LRP1B: variants seen among roughly 807,000 people sequenced by gnomAD.
LRP1B encodes LDL receptor related protein 1B, also known as low-density lipoprotein receptor-related protein 1B.
A neutral mutation model predicts 556.6 loss-of-function variants in LRP1B; 217 were observed. The observed-to-expected ratio is 0.39, with a 90% CI of 0.35 to 0.44. LRP1B has a LOEUF of 0.44. Ranked by LOEUF, LRP1B falls within the 20% of genes least tolerant of loss-of-function variation. LRP1B has a pLI of 1.00. For synonymous variants in LRP1B, 2,047 were observed against 1,865.8 expected (o/e 1.10, Z -2.50); for missense variants, 5,053 against 5,620.8 (o/e 0.90, Z 3.23).
At chr2:140,694,491 A>ATGC (rs1362136752) in intron 41 of LRP1B, among the ~76,000 whole-genome samples, 1 of 151,978 alleles carries the variant, frequency 6.6e-6, no homozygotes, top group East Asian at 1.9e-4. Context: ...GCATCTTAAG[A>ATGC]TTTTCCCTTT....
chr2:140,904,115 G>C (rs1457949879), intron 22 of LRP1B, among the ~76,000 whole-genome samples: 1 of 151,914 alleles, frequency 6.6e-6, no homozygotes, highest in African/African-American at 2.4e-5. Flanking sequence ...ACCTAACATT[G>C]AGTAACAAGT....
chr2:141,221,425 G>A (rs573097606), intron 6 of LRP1B, among the ~76,000 whole-genome samples: 6 of 152,090 alleles, frequency 3.9e-5, no homozygotes, highest in African/African-American at 1.2e-4. Flanking sequence ...TCTTAGAGAC[G>A]TACATAGTCT....
intron 2 of LRP1B, among the ~76,000 whole-genome samples, chr2:141,772,250 T>C (rs1243986165): frequency 6.6e-6 from 1 of 152,174 alleles, no homozygotes; most frequent in African/African-American, 2.4e-5. Flanking sequence ...ATATTTCTTT[T>C]GTTTAAGCCA....
chr2:141,323,540 G>A (rs1322534422), intron 3 of LRP1B, among the ~76,000 whole-genome samples: 1 of 151,572 alleles, frequency 6.6e-6, no homozygotes, highest in Non-Finnish European at 1.5e-5. Flanking sequence ...TCTGTATTCT[G>A]ACCTAATGGC....
At chr2:140,402,195 G>A (rs1037543830) in intron 66 of LRP1B, among the ~76,000 whole-genome samples, 4 of 152,204 alleles carry the variant, frequency 2.6e-5, no homozygotes, top group African/African-American at 9.6e-5. Context: ...GGAACACCCC[G>A]TGGGACAAAT....
At chr2:141,677,773 G>A (rs551774190) in intron 2 of LRP1B, among the ~76,000 whole-genome samples, 1 of 152,192 alleles carries the variant, frequency 6.6e-6, no homozygotes, top group Non-Finnish European at 1.5e-5. Context: ...ACAGGCATGA[G>A]CCACTGCACC....
At chr2:141,903,288 G>A (rs1699673600) in intron 1 of LRP1B, among the ~76,000 whole-genome samples, 1 of 151,774 alleles carries the variant, frequency 6.6e-6, no homozygotes, top group Admixed American at 6.6e-5. Flanking sequence ...AGAAGAAACT[G>A]TTATAAGAAG....
At chr2:140,874,663 T>G (rs1693247617) in intron 25 of LRP1B, among the ~76,000 whole-genome samples, 2 of 152,158 alleles carry the variant, frequency 1.3e-5, no homozygotes, top group South Asian at 4.1e-4. Context: ...CCGTTTATCT[T>G]TCTGTACGTG....
At chr2:141,342,458 G>C (rs1262913375) in intron 3 of LRP1B, among the ~76,000 whole-genome samples, 2 of 151,732 alleles carry the variant, frequency 1.3e-5, no homozygotes, top group Non-Finnish European at 1.5e-5. Flanking sequence ...ACCAGTATGT[G>C]ACAGAAATAA....
At chr2:140,838,324 C>A (rs375482698) in intron 31 of LRP1B, among the ~76,000 whole-genome samples, 1 of 152,082 alleles carries the variant, frequency 6.6e-6, no homozygotes, top group African/African-American at 2.4e-5. Context: ...TCTTGTAGAA[C>A]CCCTTGTTTC....
intron 47 of LRP1B, among the ~76,000 whole-genome samples, chr2:140,526,599 G>C (rs1293122539): frequency 1.3e-5 from 2 of 149,588 alleles, no homozygotes; most frequent in African/African-American, 4.9e-5. Context: ...GCCTGTTTAA[G>C]TACCTGAAGT....
intron 1 of LRP1B, among the ~76,000 whole-genome samples, chr2:141,896,468 A>G (rs1699456001): frequency 6.6e-6 from 1 of 152,166 alleles, no homozygotes; most frequent in African/African-American, 2.4e-5. Context: ...ATAACTCTAT[A>G]CATGTTTATG....
intron 2 of LRP1B, among the ~76,000 whole-genome samples, chr2:141,714,172 TTAA>T (rs1404684860): frequency 3.3e-5 from 5 of 152,154 alleles, no homozygotes; most frequent in Non-Finnish European, 5.9e-5. Context: ...AGCTCACTCT[TTAA>T]TATGAAAAAC....
intron 65 of LRP1B, among the ~76,000 whole-genome samples, chr2:140,443,733 G>A (rs1427407863): frequency 7.2e-5 from 11 of 152,038 alleles, no homozygotes; most frequent in Admixed American, 1.3e-4. Context: ...TCCATTTAAC[G>A]TAATTTGAAT....
chr2:141,536,707 G>A (rs1685081182), intron 2 of LRP1B, among the ~76,000 whole-genome samples: 1 of 151,956 alleles, frequency 6.6e-6, no homozygotes, highest in Non-Finnish European at 1.5e-5. Flanking sequence ...ATTAAACAGA[G>A]ACTTCTTTGA....
chr2:141,072,521 G>T (rs1306986174), intron 7 of LRP1B, among the ~76,000 whole-genome samples: 1 of 151,916 alleles, frequency 6.6e-6, no homozygotes, highest in Non-Finnish European at 1.5e-5. Context: ...TATGCTCTTT[G>T]TCTTCACCAG....
chr2:141,856,955 C>G (rs751282334), intron 1 of LRP1B, among the ~76,000 whole-genome samples: 1 of 150,576 alleles, frequency 6.6e-6, no homozygotes, highest in Non-Finnish European at 1.5e-5. Context: ...GGATCGGAAT[C>G]TCTGCTGGTT....
intron 43 of LRP1B, among the ~76,000 whole-genome samples, chr2:140,546,533 A>G (rs1002864385): frequency 6.6e-6 from 1 of 152,172 alleles, no homozygotes; most frequent in Non-Finnish European, 1.5e-5. Context: ...GGAGAAGTGC[A>G]GAGCAAAGAA....
intron 1 of LRP1B, among the ~76,000 whole-genome samples, chr2:142,060,449 C>T (rs562529731): frequency 1.3e-5 from 2 of 152,200 alleles, no homozygotes; most frequent in South Asian, 4.1e-4. Flanking sequence ...TCTGCCTCTG[C>T]TGATCCACCC....
Sources: allele counts gnomAD v4.1 joint callset (sites outside exome capture counted in the v4.1 genomes callset), GRCh38; gene constraint gnomAD v4.1.1; transcripts MANE v1.5; gene names NCBI Gene and HGNC (gene_info 2026-07-23, HGNC 2026-07-21).